RAB3GAP1: variants seen among roughly 807,000 people sequenced by gnomAD.
The protein encoded by RAB3GAP1 is rab3 GTPase-activating protein catalytic subunit.
In RAB3GAP1, 86 loss-of-function variants were observed where a neutral mutation model predicts 130.7. That is an observed-to-expected ratio of 0.66 (90% CI 0.55 to 0.79). The LOEUF is 0.79. Among genes scored for constraint, RAB3GAP1 ranks in the 30% least tolerant of loss-of-function variants. The probability of loss-of-function intolerance (pLI) is 0.00; values close to 1 mark genes in which losing one functional copy is unlikely to be tolerated. For synonymous variants in RAB3GAP1, 367 were observed against 401.7 expected (o/e 0.91, Z 1.03); for missense variants, 1,029 against 1,169.4 (o/e 0.88, Z 1.75).
intron 17 of RAB3GAP1, among the ~76,000 whole-genome samples, chr2:135,149,065 C>T (rs1430508822): frequency 6.6e-6 from 1 of 152,088 alleles, no homozygotes; most frequent in Non-Finnish European, 1.5e-5. Flanking sequence ...TGCTTATTCT[C>T]CTCTTTATCA....
chr2:135,088,284 T>C (rs1198878011), intron 3 of RAB3GAP1, among the ~76,000 whole-genome samples: 1 of 152,200 alleles, frequency 6.6e-6, no homozygotes, highest in Non-Finnish European at 1.5e-5. Context: ...CAAGCTCTTA[T>C]GTACATTATC....
intron 11 of RAB3GAP1, 63 bp downstream of exon 11, chr2:135,126,719 CACT>C: frequency 7.6e-7 from 1 of 1,322,088 alleles, no homozygotes; most frequent in Non-Finnish European, 1.1e-6. Context: ...AAATCGGAGA[CACT>C]GCATACATTC....
At chr2:135,132,246 C>T (rs1172616506) in intron 13 of RAB3GAP1, among the ~76,000 whole-genome samples, 1 of 152,158 alleles carries the variant, frequency 6.6e-6, no homozygotes, top group African/African-American at 2.4e-5. Context: ...CTATAGAGAG[C>T]CTCCTTCTTA....
At chr2:135,118,385 G>C (rs1056099741) in intron 7 of RAB3GAP1, among the ~76,000 whole-genome samples, 1 of 152,092 alleles carries the variant, frequency 6.6e-6, no homozygotes, top group Non-Finnish European at 1.5e-5. Context: ...TTGAACTTAA[G>C]AGCTGGTTTG....
intron 17 of RAB3GAP1, among the ~76,000 whole-genome samples, chr2:135,142,753 G>C (rs1366475044): frequency 1.3e-5 from 2 of 151,586 alleles, no homozygotes; most frequent in Non-Finnish European, 2.9e-5. Context: ...TGTATATTAA[G>C]GTAATCCTAT....
At chr2:135,171,945 C>T (rs562512661), downstream of RAB3GAP1, among the ~76,000 whole-genome samples, 7 of 152,220 alleles carry the variant, frequency 4.6e-5, no homozygotes, top group East Asian at 9.6e-4. Context: ...GGAGTGTACC[C>T]GGCACGTGGG....
intron 7 of RAB3GAP1, 78 bp from the exon 8 acceptor site, chr2:135,120,741 G>C: frequency 9.4e-7 from 1 of 1,059,342 alleles, no homozygotes; most frequent in Non-Finnish European, 1.5e-6. Flanking sequence ...CATTCCATAA[G>C]TTTGAAATTT....
chr2:135,092,113 A>G (rs981477584), intron 4 of RAB3GAP1, among the ~76,000 whole-genome samples: 2 of 152,232 alleles, frequency 1.3e-5, no homozygotes. Context: ...ACCAGGGCAG[A>G]TAACATTAAC....
intron 8 of RAB3GAP1, 33 bp from the exon 9 acceptor site, chr2:135,124,132 C>A (rs373806795): frequency 1.3e-6 from 2 of 1,585,014 alleles, no homozygotes; most frequent in African/African-American, 2.7e-5. Flanking sequence ...TTTATTTTTT[C>A]CCAAATGATG....
At chr2:135,136,034 TC>T in intron 17 of RAB3GAP1, 102 bp downstream of exon 17, 2 of 1,512,022 alleles carry the variant, frequency 1.3e-6, no homozygotes, top group Non-Finnish European at 1.8e-6. Flanking sequence ...ATCCAAAAAG[TC>T]TATGTTTAGG....
At chr2:135,076,428 T>C (rs180675457) in intron 3 of RAB3GAP1, among the ~76,000 whole-genome samples, 3 of 152,294 alleles carry the variant, frequency 2.0e-5, no homozygotes, top group South Asian at 2.1e-4. Context: ...TTTTTATTTA[T>C]ATTTTCCTGA....
intron 3 of RAB3GAP1, among the ~76,000 whole-genome samples, chr2:135,083,525 A>G (rs1384951791): frequency 6.6e-6 from 1 of 152,084 alleles, no homozygotes; most frequent in Non-Finnish European, 1.5e-5. Context: ...CAGTGCTACA[A>G]TCATAGTTTA....
chr2:135,137,626 C>A (rs1558794677), intron 17 of RAB3GAP1, among the ~76,000 whole-genome samples: 1 of 151,852 alleles, frequency 6.6e-6, no homozygotes, highest in Non-Finnish European at 1.5e-5. Flanking sequence ...ATTACTTGAA[C>A]AAAAATTTAT....
In RAB3GAP1 at chr2:135,081,345, TATATATATATATATATACAC is replaced by T. The variant is rs1201701838; in HGVS notation, c.151-9651_151-9632del. Among the ~76,000 whole-genome samples the T allele has an allele frequency of 1.3e-4, 12 of 91,820 alleles. 1 individual carries two copies. The highest frequency in any genetic ancestry group is 4.9e-4 in the African/African-American group (8 of 16,394). The allele number at this position is 91,820 out of a possible 152,430, so 60.2% of individuals were successfully genotyped here. On this transcript the variant is annotated intron_variant, in intron 3 of 23. Coordinates refer to ENST00000264158, the MANE Select transcript of RAB3GAP1 (RefSeq NM_012233.3). ...AAAAAAAAATATATATATATATATATATATATATATATATATACACACACGTGTGTGTGTGTATATATATA... is the reference window on the plus strand; with the variant it reads ...AAAAAAAAATATATATATATATATATACACGTGTGTGTGTGTATATATATA...
chr2:135,059,544 G>T (rs923711255), intron 3 of RAB3GAP1, among the ~76,000 whole-genome samples: 1 of 151,872 alleles, frequency 6.6e-6, no homozygotes, highest in Non-Finnish European at 1.5e-5. Context: ...TACATATTTT[G>T]GGGTACATGT....
Position 135,057,452 on chromosome 2 carries a change from C to T in RAB3GAP1, c.75-559C>T, listed in dbSNP as rs866485972. On this transcript the variant is annotated intron_variant, in intron 2 of 23. Coordinates refer to ENST00000264158, the MANE Select transcript of RAB3GAP1 (RefSeq NM_012233.3). ...AATCTCACTCTGTCGCCCAGGCTGG[C>T]GTGCAGTGGCGCGATGTCCGCTCAC... 3.3e-5 allele frequency among the ~76,000 whole-genome samples: 5 copies of T among 152,196 alleles called. No individual in the cohort carries two copies. The South Asian group carries it at 8.3e-4, about 25-fold the overall frequency.
chr2:135,080,116 C>CAA (rs764426198), intron 3 of RAB3GAP1, among the ~76,000 whole-genome samples: 780 of 72,518 alleles, frequency 0.011, 23 homozygotes, highest in African/African-American at 0.023. Context: ...GACTCCGTCT[C>CAA]AAAAAAAAAA....
chr2:135,105,560 G>T (rs1690576997), intron 5 of RAB3GAP1, among the ~76,000 whole-genome samples: 1 of 152,160 alleles, frequency 6.6e-6, no homozygotes, highest in South Asian at 2.1e-4. Context: ...CTGGAGTGCA[G>T]TGGCGTGATC....
At chr2:135,131,564 C>T (rs1691545134) in intron 13 of RAB3GAP1, among the ~76,000 whole-genome samples, 1 of 152,138 alleles carries the variant, frequency 6.6e-6, no homozygotes, top group Non-Finnish European at 1.5e-5. Context: ...GCTTTGACAA[C>T]AGTTGAGAGA....
Sources: allele counts gnomAD v4.1 joint callset (sites outside exome capture counted in the v4.1 genomes callset), GRCh38; gene constraint gnomAD v4.1.1; transcripts MANE v1.5; gene names NCBI Gene and HGNC (gene_info 2026-07-23, HGNC 2026-07-21).